Variants in MBOAT2 observed in about 807,000 individuals in gnomAD.
The protein encoded by MBOAT2 is membrane bound glycerophospholipid O-acyltransferase 2.
A neutral mutation model predicts 63.4 loss-of-function variants in MBOAT2; 28 were observed. The observed-to-expected ratio is 0.44, with a 90% CI of 0.33 to 0.61. MBOAT2 has a LOEUF of 0.61. MBOAT2 is among the 20% of genes least tolerant of loss of function. MBOAT2 has a pLI of 0.03. For synonymous variants in MBOAT2, 211 were observed against 215.6 expected (o/e 0.98, Z 0.19); for missense variants, 470 against 605.8 (o/e 0.78, Z 2.35).
intron 4 of MBOAT2, among the ~76,000 whole-genome samples, chr2:8,895,221 G>A (rs1000284671): frequency 2.0e-5 from 3 of 152,154 alleles, no homozygotes; most frequent in African/African-American, 7.2e-5. Flanking sequence ...CCTGCTGATT[G>A]GTCAATTTTA....
At position 8,943,181 on chromosome 2, in the gene MBOAT2, A is replaced by C; in HGVS notation, c.299+6T>G. On this transcript the variant is annotated splice_donor_region_variant and intron_variant, in intron 3 of 12. Coordinates refer to ENST00000305997, the MANE Select transcript of MBOAT2 (RefSeq NM_138799.4). ...ATATTTTCATGTGAACAAAGTGAAT[A>C]CTTACTTGTGCATGTTCTCCACTCC... 6.6e-7 allele frequency: 1 copy of C among 1,509,260 alleles called. No individual in the cohort carries two copies. The highest frequency in any genetic ancestry group is 9.0e-7 in the Non-Finnish European group (1 of 1,112,516). 93.5% of individuals were successfully genotyped at this position (1,509,260 alleles called of 1,614,324 possible).
At chr2:8,973,500 C>G (rs1263172364) in intron 1 of MBOAT2, among the ~76,000 whole-genome samples, 1 of 150,472 alleles carries the variant, frequency 6.6e-6, no homozygotes, top group African/African-American at 2.4e-5. Flanking sequence ...CACATGTACC[C>G]TAGAACTTAA....
In MBOAT2 at chr2:8,862,501, G is replaced by A. The variant is rs1036537091; in HGVS notation, c.1185+89C>T. ...ACAATACTGACCACGACCAAGGAAAGAGGGTCTACCTTGTAAGAGAGATGT... is the reference window on the plus strand; with the variant it reads ...ACAATACTGACCACGACCAAGGAAAAAGGGTCTACCTTGTAAGAGAGATGT... On this transcript the variant is annotated intron_variant, in intron 11 of 12. Transcript: ENST00000305997. This position sits in a 1 kb window ranked among gnomAD's most constrained non-coding sequence, Gnocchi z 4.3. 30 of 1,474,432 alleles carry A rather than the reference G, an allele frequency of 2.0e-5. No homozygotes were observed. The highest frequency in any genetic ancestry group is 4.0e-5 in the Admixed American group (2 of 49,742). The allele number at this position is 1,474,432 out of a possible 1,614,324, so 91.3% of individuals were successfully genotyped here. A position where few individuals can be genotyped will look rare whatever the true frequency, so the allele number is the denominator to read the frequency against.
chr2:8,958,698 C>T, intron 1 of MBOAT2, 56 bp from the exon 2 acceptor site: 2 of 1,405,556 alleles, frequency 1.4e-6, no homozygotes, highest in Admixed American at 2.7e-5. Context: ...TTTTTCATAT[C>T]ATGTTACATT....
Position 8,937,049 on chromosome 2 carries a change from C to T in MBOAT2, c.299+6138G>A, listed in dbSNP as rs1208100505. ...CCTAAGTGGAGAGGCTCCCTATGTT[C>T]GGCCCTTCCCTCATTTCCACCCCTC... is the stretch of plus-strand genomic sequence containing the variant. On this transcript the variant is annotated intron_variant, in intron 3 of 12. Transcript: ENST00000305997. Among the ~76,000 whole-genome samples, 5 of 152,164 alleles carry T rather than the reference C, an allele frequency of 3.3e-5. No individual in the cohort carries two copies. In the East Asian group the frequency reaches 7.7e-4, roughly 23 times the overall value.
intron 2 of MBOAT2, among the ~76,000 whole-genome samples, chr2:8,956,020 C>A (rs1669197547): frequency 6.6e-6 from 1 of 151,978 alleles, no homozygotes. Context: ...ACTTAATAGA[C>A]CAGAATATAG....
chr2:8,994,785 T>G (rs1021245561), intron 1 of MBOAT2, among the ~76,000 whole-genome samples: 1 of 152,156 alleles, frequency 6.6e-6, no homozygotes, highest in East Asian at 1.9e-4. Context: ...AAACGCTTCA[T>G]CAAGGAGGCA....
At chr2:8,886,494 T>C (rs1355603791) in intron 5 of MBOAT2, among the ~76,000 whole-genome samples, 1 of 152,100 alleles carries the variant, frequency 6.6e-6, no homozygotes, top group African/African-American at 2.4e-5. Context: ...ATCTATCCCT[T>C]GGGAATAAAG....
intron 3 of MBOAT2, among the ~76,000 whole-genome samples, chr2:8,925,905 T>A (rs978160431): frequency 6.6e-6 from 1 of 152,212 alleles, no homozygotes; most frequent in African/African-American, 2.4e-5. Flanking sequence ...ATCAATGACA[T>A]CTCATATTTA....
At chr2:8,978,800 G>A (rs1004933963) in intron 1 of MBOAT2, among the ~76,000 whole-genome samples, 4 of 151,842 alleles carry the variant, frequency 2.6e-5, no homozygotes, top group Admixed American at 2.6e-4. Context: ...CGCACATTCT[G>A]CACTTGTATC....
chr2:8,864,119 C>T (rs750732416), intron 10 of MBOAT2, 51 bp downstream of exon 10: 15 of 1,299,764 alleles, frequency 1.2e-5, no homozygotes, highest in East Asian at 1.0e-4. Flanking sequence ...AGCTCAACCT[C>T]GAGAACTAGA....
intron 6 of MBOAT2, among the ~76,000 whole-genome samples, chr2:8,881,893 G>A (rs981686355): frequency 2.6e-5 from 4 of 152,118 alleles, no homozygotes; most frequent in Admixed American, 1.3e-4. Context: ...CGTAATCTGT[G>A]GGAAATTTTT....
At chr2:8,988,583 T>G (rs550051925) in intron 1 of MBOAT2, among the ~76,000 whole-genome samples, 2 of 152,322 alleles carry the variant, frequency 1.3e-5, no homozygotes, top group East Asian at 3.9e-4. Flanking sequence ...TGAGCCAAAT[T>G]TTTTAAGAAG....
At position 8,854,625 on chromosome 2, in the gene MBOAT2, A is replaced by G. The variant is rs1277380996; in HGVS notation, c.*4054T>C. 1 of 152,234 alleles carries G rather than the reference A, an allele frequency of 6.6e-6. No individual in the cohort carries two copies. Among genetic ancestry groups the G allele is most frequent in the African/African-American group, 2.4e-5 (1 of 41,468 alleles). The allele number at this position is 152,234 out of a possible 1,614,324, so 9.4% of individuals were successfully genotyped here. A position where few individuals can be genotyped will look rare whatever the true frequency, so the allele number is the denominator to read the frequency against. ...TAGAACTGTTAAGACCAATTAACTAATAATTGTGAACAGTTGATAAGGAAA... is the reference window on the plus strand; with the variant it reads ...TAGAACTGTTAAGACCAATTAACTAGTAATTGTGAACAGTTGATAAGGAAA... On this transcript the variant is annotated 3_prime_UTR_variant, in exon 13 of 13. Transcript: ENST00000305997.
chr2:8,962,522 T>C (rs1669686650), intron 1 of MBOAT2, among the ~76,000 whole-genome samples: 1 of 152,116 alleles, frequency 6.6e-6, no homozygotes, highest in African/African-American at 2.4e-5. Context: ...ATCTTCAGAG[T>C]TGTTCTATCT....
chr2:8,951,599 G>A (rs991773566), intron 2 of MBOAT2, among the ~76,000 whole-genome samples: 6 of 152,058 alleles, frequency 3.9e-5, no homozygotes, highest in Admixed American at 3.3e-4. Context: ...TTACAGGTTC[G>A]ATTTTAGAAC....
At chr2:8,950,032 G>A (rs537281211) in intron 2 of MBOAT2, among the ~76,000 whole-genome samples, 7 of 151,986 alleles carry the variant, frequency 4.6e-5, no homozygotes, top group East Asian at 3.9e-4. Context: ...AAGATCTTTC[G>A]CCTCCCTAGT....
intron 3 of MBOAT2, among the ~76,000 whole-genome samples, chr2:8,915,987 G>A (rs771314330): frequency 5.9e-5 from 9 of 152,200 alleles, no homozygotes; most frequent in Non-Finnish European, 1.3e-4. Context: ...ATGGGAGGCA[G>A]AAAACTTAGG....
At chr2:8,974,819 G>A (rs559169115) in intron 1 of MBOAT2, among the ~76,000 whole-genome samples, 2 of 152,172 alleles carry the variant, frequency 1.3e-5, no homozygotes, top group East Asian at 3.9e-4. Context: ...TACTGAATCT[G>A]CTCGTTTCAT....
Sources: gnomAD v4.1 joint callset for allele counts (sites outside exome capture counted in the v4.1 genomes callset) on GRCh38, gnomAD v4.1.1 for gene constraint, Gnocchi (gnomAD v3.1) non-coding constraint, MANE v1.5 for transcripts, NCBI Gene and HGNC (gene_info 2026-07-23, HGNC 2026-07-21) for gene names.